Variants in SGCZ observed in about 807,000 individuals in gnomAD.
SGCZ encodes the protein sarcoglycan zeta, also known as zeta-sarcoglycan.
A neutral mutation model predicts 41.3 loss-of-function variants in SGCZ; 40 were observed. The observed-to-expected ratio is 0.97, with a 90% CI of 0.75 to 1.26. The LOEUF is 1.26. Among genes scored for constraint, SGCZ ranks in the 50% most tolerant of loss-of-function variants. SGCZ has a pLI of 0.00. For missense variants in SGCZ, 552 were observed against 369.8 expected (o/e 1.49, Z -4.04); for synonymous variants, 206 against 137.5 (o/e 1.50, Z -3.49).
At chr8:14,252,716 G>A (rs1466458945) in intron 3 of SGCZ, among the ~76,000 whole-genome samples, 1 of 152,172 alleles carries the variant, frequency 6.6e-6, no homozygotes, top group African/African-American at 2.4e-5. Context: ...CAAGGATACA[G>A]TACTTGTAAC....
chr8:15,022,337 T>A (rs978690391), intron 1 of SGCZ, among the ~76,000 whole-genome samples: 20 of 152,158 alleles, frequency 1.3e-4, no homozygotes, highest in African/African-American at 2.2e-4. Flanking sequence ...ATCTTTTTTT[T>A]AATTTTATTT....
At chr8:15,120,877 T>C (rs1807453311) in intron 1 of SGCZ, among the ~76,000 whole-genome samples, 2 of 152,188 alleles carry the variant, frequency 1.3e-5, no homozygotes, top group Middle Eastern at 3.2e-3. Context: ...GGTACTGTGG[T>C]GGTAGCTATC....
chr8:14,372,356 T>G (rs1399719355), intron 2 of SGCZ, among the ~76,000 whole-genome samples: 2 of 152,318 alleles, frequency 1.3e-5, no homozygotes, highest in African/African-American at 4.8e-5. Flanking sequence ...AATTCCATCA[T>G]TCATTCTTTT....
chr8:14,665,361 C>T (rs1376246288), intron 1 of SGCZ, among the ~76,000 whole-genome samples: 1 of 152,284 alleles, frequency 6.6e-6, no homozygotes, highest in East Asian at 1.9e-4. Flanking sequence ...TTTATGGCTG[C>T]ATAGTATTCC....
chr8:14,675,051 G>C (rs935926488), intron 1 of SGCZ, among the ~76,000 whole-genome samples: 1 of 141,386 alleles, frequency 7.1e-6, no homozygotes, highest in African/African-American at 2.6e-5. Flanking sequence ...CCATTCTCCT[G>C]CTTCAGCCTC....
chr8:14,268,038 T>C (rs1207644257), intron 3 of SGCZ, among the ~76,000 whole-genome samples: 2 of 151,262 alleles, frequency 1.3e-5, no homozygotes, highest in African/African-American at 2.4e-5. Context: ...TAGCCTAATT[T>C]ACTTTTTCTT....
intron 7 of SGCZ, among the ~76,000 whole-genome samples, chr8:14,098,598 A>G (rs1205840001): frequency 6.6e-6 from 1 of 152,174 alleles, no homozygotes; most frequent in African/African-American, 2.4e-5. Flanking sequence ...AAAGTATTCT[A>G]GGGGCAAACT....
chr8:14,204,314 A>C, intron 4 of SGCZ, among the ~76,000 whole-genome samples: 1 of 148,192 alleles, frequency 6.7e-6, no homozygotes, highest in Non-Finnish European at 1.5e-5. Flanking sequence ...GCTAACACCC[A>C]TGTCTCCCCT....
intron 1 of SGCZ, among the ~76,000 whole-genome samples, chr8:15,132,558 T>C (rs1308888500): frequency 6.6e-6 from 1 of 152,216 alleles, no homozygotes; most frequent in Non-Finnish European, 1.5e-5. Context: ...AATCCACTTA[T>C]GCTAATTTTG....
chr8:15,233,023 C>A (rs1370265852), intron 1 of SGCZ, among the ~76,000 whole-genome samples: 1 of 151,448 alleles, frequency 6.6e-6, no homozygotes, highest in East Asian at 1.9e-4. Flanking sequence ...GTTTCTAAGT[C>A]TTTGTGACTA....
At position 14,859,351 on chromosome 8, in the gene SGCZ, C is replaced by T. The variant is rs187574492; in HGVS notation, c.40-304425G>A. Reference sequence around the variant, plus strand: ...CATTTGATTCACATTAAGGTACTAGCAATTTAATCTACCATAACTTTTGTA... The same window carrying T: ...CATTTGATTCACATTAAGGTACTAGTAATTTAATCTACCATAACTTTTGTA... On this transcript the variant is annotated intron_variant, in intron 1 of 7. Coordinates refer to ENST00000382080, the MANE Select transcript of SGCZ (RefSeq NM_139167.4). Among the ~76,000 whole-genome samples, 5 of 151,914 alleles carry T rather than the reference C, an allele frequency of 3.3e-5. 1 individual carries two copies. Among genetic ancestry groups the T allele is most frequent in the Admixed American group, 2.6e-4 (4 of 15,218 alleles).
At chr8:14,524,457 T>A (rs1015735522) in intron 2 of SGCZ, among the ~76,000 whole-genome samples, 8 of 152,102 alleles carry the variant, frequency 5.3e-5, no homozygotes, top group African/African-American at 1.7e-4. Context: ...CCCTCAGTGA[T>A]ACTGTAGTAG....
At chr8:14,766,335 G>A (rs891355044) in intron 1 of SGCZ, among the ~76,000 whole-genome samples, 2 of 152,048 alleles carry the variant, frequency 1.3e-5, no homozygotes, top group African/African-American at 2.4e-5. Flanking sequence ...TTGACTTGGG[G>A]TATAGTTTAG....
rs138216594 is a variant in SGCZ, at chr8:14,386,579, G to A, written c.235-62375C>T. Among the ~76,000 whole-genome samples, 1,172 of 152,182 alleles carry A rather than the reference G, an allele frequency of 7.7e-3. 13 individuals carry two copies. The highest frequency in any genetic ancestry group is 0.026 in the African/African-American group (1,074 of 41,508). ...TGTTTCAGGCACTGTAAAGTGGTTT[G>A]TAACTCAACTTCTATGTTGTATATT... On this transcript the variant is annotated intron_variant, in intron 2 of 7. Transcript: ENST00000382080.
rs560629677 is a variant in SGCZ, at chr8:14,406,192, C to T, written c.235-81988G>A. The stretch of plus-strand genomic sequence containing the variant: ...GGCTTTGCCTTAATTTCTGCACTTC[C>T]CTCCACCTGTATGTCTTTGCAAGAC... On this transcript the variant is annotated intron_variant, in intron 2 of 7. Coordinates refer to ENST00000382080, the MANE Select transcript of SGCZ (RefSeq NM_139167.4). 2.0e-5 allele frequency among the ~76,000 whole-genome samples: 3 copies of T among 152,186 alleles called. 1 individual carries two copies. Among genetic ancestry groups the T allele is most frequent in the African/African-American group, 7.2e-5 (3 of 41,512 alleles).
intron 2 of SGCZ, among the ~76,000 whole-genome samples, chr8:14,455,656 C>A (rs372478221): frequency 1.5e-4 from 23 of 152,168 alleles, no homozygotes; most frequent in Admixed American, 1.5e-3. Flanking sequence ...TGCATCAGAT[C>A]ATTTGTGTTT....
At chr8:14,879,207 T>A (rs148442632) in intron 1 of SGCZ, 8,198 of 152,116 alleles carry the variant, frequency 0.054, 245 homozygotes, top group Non-Finnish European at 0.067. Context: ...ACATGCCTGT[T>A]TTCTCAGCTA....
chr8:14,150,226 C>A (rs1456270434), intron 5 of SGCZ, among the ~76,000 whole-genome samples: 1 of 152,010 alleles, frequency 6.6e-6, no homozygotes, highest in African/African-American at 2.4e-5. Context: ...CAAAGTGAGT[C>A]ACCAAAGTGA....
At chr8:14,308,617 A>G (rs1801422180) in intron 3 of SGCZ, among the ~76,000 whole-genome samples, 1 of 152,042 alleles carries the variant, frequency 6.6e-6, no homozygotes. Flanking sequence ...CCACGTCTAA[A>G]AAAAATTTAT....
Sources: allele counts gnomAD v4.1 joint callset (sites outside exome capture counted in the v4.1 genomes callset), GRCh38; gene constraint gnomAD v4.1.1; transcripts MANE v1.5; gene names NCBI Gene and HGNC (gene_info 2026-07-23, HGNC 2026-07-21).